The following SORCS2 variants were observed in gnomAD, a reference collection of about 807,000 sequenced individuals.
SORCS2 encodes the protein sortilin related VPS10 domain containing receptor 2.
In SORCS2, 100 loss-of-function variants were observed where a neutral mutation model predicts 141.6. The observed-to-expected ratio is 0.71, with a 90% CI of 0.60 to 0.83. The LOEUF is 0.83. Ranked by LOEUF, SORCS2 falls within the 40% of genes least tolerant of loss-of-function variation. The pLI, the probability that SORCS2 is intolerant of heterozygous loss-of-function variation, is 0.00. For missense variants in SORCS2, 1,646 were observed against 1,560.2 expected (o/e 1.05, Z -0.93); for synonymous variants, 789 against 676.9 (o/e 1.17, Z -2.57).
At chr4:7,306,423 A>G (rs1368401894) in intron 1 of SORCS2, among the ~76,000 whole-genome samples, 4 of 152,002 alleles carry the variant, frequency 2.6e-5, no homozygotes, top group Non-Finnish European at 5.9e-5. Context: ...GGGATCAGAG[A>G]GGATGAGGGT....
chr4:7,479,583 G>A (rs1026402688), intron 2 of SORCS2, among the ~76,000 whole-genome samples: 16 of 152,226 alleles, frequency 1.1e-4, no homozygotes, highest in African/African-American at 3.9e-4. Flanking sequence ...CCCTACCCCT[G>A]CTGTGCATGC....
At chr4:7,413,796 C>T (rs1221788179) in intron 2 of SORCS2, among the ~76,000 whole-genome samples, 1 of 152,208 alleles carries the variant, frequency 6.6e-6, no homozygotes, top group Non-Finnish European at 1.5e-5. Flanking sequence ...CTGATTTTCA[C>T]TAATGCCGAG....
At chr4:7,242,060 A>C (rs1319257604) in intron 1 of SORCS2, among the ~76,000 whole-genome samples, 1 of 152,120 alleles carries the variant, frequency 6.6e-6, no homozygotes, top group Non-Finnish European at 1.5e-5. Flanking sequence ...TACATCACCT[A>C]GGCAGCTTCA....
intron 8 of SORCS2, among the ~76,000 whole-genome samples, chr4:7,670,496 A>C (rs1249091510): frequency 6.6e-6 from 1 of 152,224 alleles, no homozygotes; most frequent in Non-Finnish European, 1.5e-5. Flanking sequence ...AAGTAAAATA[A>C]AATTTCTAAG....
intron 1 of SORCS2, among the ~76,000 whole-genome samples, chr4:7,284,611 G>A (rs1716090277): frequency 6.6e-6 from 1 of 152,056 alleles, no homozygotes; most frequent in South Asian, 2.1e-4. Context: ...GGCCTGAAGG[G>A]GTCATGTCTC....
intron 12 of SORCS2, among the ~76,000 whole-genome samples, chr4:7,697,831 G>A (rs545125625): frequency 5.3e-5 from 8 of 152,140 alleles, no homozygotes; most frequent in South Asian, 2.1e-4. Flanking sequence ...CCCAGGGCCC[G>A]AGAAGAGAAA....
chr4:7,729,095 G>A (rs1219826027), intron 22 of SORCS2, among the ~76,000 whole-genome samples: 1 of 152,246 alleles, frequency 6.6e-6, no homozygotes, highest in Admixed American at 6.5e-5. Context: ...CTTCCAGGAG[G>A]CAGAGGCACC....
chr4:7,668,766 G>A (rs1722641020), intron 8 of SORCS2, among the ~76,000 whole-genome samples: 1 of 152,212 alleles, frequency 6.6e-6, no homozygotes, highest in Non-Finnish European at 1.5e-5. Context: ...TCTGAGGTGA[G>A]GGACCTTTTC....
intron 3 of SORCS2, among the ~76,000 whole-genome samples, chr4:7,532,956 G>T (rs930992464): frequency 6.6e-6 from 1 of 152,122 alleles, no homozygotes; most frequent in African/African-American, 2.4e-5. Context: ...GCGCCTGCTG[G>T]AAGGCCATGT....
At position 7,664,241 on chromosome 4, in the gene SORCS2, A is replaced by G; in HGVS notation, c.953-112A>G. 1 of 820,916 alleles carries G rather than the reference A, an allele frequency of 1.2e-6. No homozygotes were observed. Among genetic ancestry groups the G allele is most frequent in the Non-Finnish European group, 1.9e-6 (1 of 526,582 alleles). 50.9% of individuals were successfully genotyped at this position (820,916 alleles called of 1,614,324 possible). On this transcript the variant is annotated intron_variant, in intron 6 of 26. Coordinates refer to ENST00000507866, the MANE Select transcript of SORCS2 (RefSeq NM_020777.3). The surrounding 1 kb of genome is among the most constrained non-coding windows in gnomAD (Gnocchi z 4.7). ...ACGGTGGCCTTTAGAATTCAAGCCC[A>G]TGAAGCCACACCACAGCGGTATTGG...
chr4:7,440,104 T>C (rs1417156623), intron 2 of SORCS2, among the ~76,000 whole-genome samples: 1 of 152,236 alleles, frequency 6.6e-6, no homozygotes, highest in Non-Finnish European at 1.5e-5. Flanking sequence ...GCTGTATTTA[T>C]TTTTTTATTG....
chr4:7,435,036 C>A, intron 2 of SORCS2: 1 of 888,514 alleles, frequency 1.1e-6, no homozygotes, highest in Non-Finnish European at 1.7e-6. Context: ...GATTCCTGGC[C>A]TCTTCGCCTT....
At chr4:7,452,505 A>C (rs990270906) in intron 2 of SORCS2, among the ~76,000 whole-genome samples, 1 of 151,848 alleles carries the variant, frequency 6.6e-6, no homozygotes, top group Non-Finnish European at 1.5e-5. Context: ...TTCCGTTTTC[A>C]CCTCAAACAC....
chr4:7,225,366 G>GCTCTCTGTTCAA (rs1157804679), intron 1 of SORCS2, among the ~76,000 whole-genome samples: 4 of 152,236 alleles, frequency 2.6e-5, no homozygotes, highest in African/African-American at 9.6e-5. Context: ...TTGGCTCAGA[G>GCTCTCTGTTCAA]CAGACCGGAA....
rs550144078 is a variant in SORCS2, at chr4:7,303,930, G to A, written c.481-92358G>A. 8.2e-4 allele frequency among the ~76,000 whole-genome samples: 125 copies of A among 152,360 alleles called. 1 individual carries two copies. The highest frequency in any genetic ancestry group is 1.4e-3 in the South Asian group (7 of 4,832). On this transcript the variant is annotated intron_variant, in intron 1 of 26. Transcript: ENST00000507866. ...GCCTGAGGGGCCAAGGGGTCACCAC[G>A]GCTGTGTGCCTGTTTACCAGGCCCT...
chr4:7,271,691 G>A (rs1398395037), intron 1 of SORCS2, among the ~76,000 whole-genome samples: 4 of 152,270 alleles, frequency 2.6e-5, no homozygotes, highest in Non-Finnish European at 5.9e-5. Flanking sequence ...CAGTACCTGG[G>A]GTGGGATTCA....
In SORCS2 at chr4:7,718,162, G is replaced by T; in HGVS notation, c.2403G>T (p.Leu801=). The change falls in exon 18 of 27, where the codon CTG becomes CTT. Residue 801 remains leucine, a synonymous_variant. Coordinates refer to ENST00000507866, the MANE Select transcript of SORCS2 (RefSeq NM_020777.3). The stretch of plus-strand genomic sequence containing the variant: ...CCGTGCGGCCTGGAGAGGACGTCCT[G>T]TTTGTGGTGCGGCAGGAGCAGGTGA... ...AVAVRPGEDV[L]FVVRQEQGDV... is the part of the protein sequence containing the mutation. 6.2e-7 allele frequency: 1 copy of T among 1,611,070 alleles called. No individual in the cohort carries two copies. Among genetic ancestry groups the T allele is most frequent in the South Asian group, 1.1e-5 (1 of 90,718 alleles).
At chr4:7,458,235 A>G (rs965393577) in intron 2 of SORCS2, among the ~76,000 whole-genome samples, 6 of 152,020 alleles carry the variant, frequency 3.9e-5, no homozygotes, top group Non-Finnish European at 8.8e-5. Flanking sequence ...GGGAAGTTTG[A>G]CGCCAGAGGC....
intron 1 of SORCS2, among the ~76,000 whole-genome samples, chr4:7,344,100 G>A (rs886977016): frequency 2.6e-5 from 4 of 152,226 alleles, no homozygotes; most frequent in East Asian, 1.9e-4. Flanking sequence ...CGGTGTGGAC[G>A]TGGAACCTGA....
Sources: allele counts gnomAD v4.1 joint callset (sites outside exome capture counted in the v4.1 genomes callset), GRCh38; gene constraint gnomAD v4.1.1; non-coding constraint Gnocchi (gnomAD v3.1); transcripts MANE v1.5; gene names NCBI Gene and HGNC (gene_info 2026-07-23, HGNC 2026-07-21).